Variants in MYT1L observed in about 807,000 individuals in gnomAD.
MYT1L encodes the protein myelin transcription factor 1 like, also known as myelin transcription factor 1-like protein.
MYT1L carries 12 observed loss-of-function variants against 126.7 expected under a neutral mutation model. That is an observed-to-expected ratio of 0.09 (90% CI 0.06 to 0.15). The LOEUF (loss-of-function observed/expected upper bound fraction) is 0.15. Among genes scored for constraint, MYT1L ranks in the 10% least tolerant of loss-of-function variants. The pLI is 1.00. For missense variants in MYT1L, 979 were observed against 1,585.2 expected, an observed-to-expected ratio of 0.62 and a Z score of 6.49; for synonymous variants, 541 against 604.2, an observed-to-expected ratio of 0.90 and a Z score of 1.53.
At chr2:1,847,900 C>T (rs2042710359) in intron 19 of MYT1L, among the ~76,000 whole-genome samples, 3 of 152,144 alleles carry the variant, frequency 2.0e-5, no homozygotes, top group South Asian at 4.1e-4. Context: ...GAAAACACCA[C>T]CGCTAAGAGG....
intron 23 of MYT1L, among the ~76,000 whole-genome samples, chr2:1,792,970 C>T (rs1376111774): frequency 6.6e-6 from 1 of 151,522 alleles, no homozygotes; most frequent in African/African-American, 2.4e-5. Flanking sequence ...CACTTGACAA[C>T]TGGGGAGCTG....
chr2:2,100,417 C>T (rs1409402667), intron 3 of MYT1L, among the ~76,000 whole-genome samples: 1 of 152,010 alleles, frequency 6.6e-6, no homozygotes, highest in Non-Finnish European at 1.5e-5. Flanking sequence ...CCACTGAGCC[C>T]TCCTTTTTTC....
intron 2 of MYT1L, among the ~76,000 whole-genome samples, chr2:2,196,253 GA>G (rs200816652): frequency 1.4e-4 from 21 of 150,438 alleles, no homozygotes; most frequent in South Asian, 2.1e-4. Flanking sequence ...CTATGTGGGT[GA>G]AAAAAAAATC....
chr2:1,931,130 C>A lies in MYT1L; in HGVS notation c.506-7867G>T, dbSNP rs1395450603. Among the ~76,000 whole-genome samples, 3 of 152,318 alleles carry A rather than the reference C, an allele frequency of 2.0e-5. No individual in the cohort carries two copies. The East Asian group carries it at 5.8e-4, about 29-fold the overall frequency. ...GCTGAGACAGCAGTTCACCACTCAT[C>A]CCTTAGAGAGGAGAAGGGTGGGGCC... On this transcript the variant is annotated intron_variant, in intron 9 of 24. Transcript: ENST00000647738.
chr2:1,911,915 C>G, intron 12 of MYT1L, 105 bp downstream of exon 12: 2 of 815,468 alleles, frequency 2.5e-6, no homozygotes, highest in Non-Finnish European at 3.7e-6. Flanking sequence ...ACTTGGGGAG[C>G]ACGGTGGGGA....
chr2:2,025,849 T>C lies in MYT1L; in HGVS notation c.-158+28129A>G, dbSNP rs1351079354. ...TTTTTTAAAAAGGTAGTGTGACCTA[T>C]TGCAATTATACTCAAACTCAATATT... On this transcript the variant is annotated intron_variant, in intron 4 of 24. Coordinates refer to ENST00000647738, the MANE Select transcript of MYT1L (RefSeq NM_001303052.2). 2.6e-5 allele frequency among the ~76,000 whole-genome samples: 4 copies of C among 152,346 alleles called. No individual in the cohort carries two copies. The East Asian group carries it at 5.8e-4, about 22-fold the overall frequency.
intron 13 of MYT1L, among the ~76,000 whole-genome samples, chr2:1,905,803 G>A (rs1335636240): frequency 6.6e-6 from 1 of 152,218 alleles, no homozygotes; most frequent in Admixed American, 6.5e-5. Flanking sequence ...TACTGTTTAG[G>A]AAGGAAACTC....
chr2:2,127,160 T>A (rs1356711691), intron 3 of MYT1L, among the ~76,000 whole-genome samples: 1 of 152,208 alleles, frequency 6.6e-6, no homozygotes, highest in Non-Finnish European at 1.5e-5. Context: ...CCATGGGGTT[T>A]GTTGTACAAA....
chr2:1,933,983 T>A (rs1021803779), intron 9 of MYT1L, among the ~76,000 whole-genome samples: 9 of 146,674 alleles, frequency 6.1e-5, no homozygotes, highest in African/African-American at 2.3e-4. Context: ...TTTTTTTTTT[T>A]TTTTTTTTTG....
chr2:2,022,665 T>C (rs2065151178), intron 4 of MYT1L, among the ~76,000 whole-genome samples: 1 of 151,886 alleles, frequency 6.6e-6, no homozygotes, highest in Admixed American at 6.6e-5. Context: ...CTTTCGTTCC[T>C]GCTCTAAAGC....
At chr2:2,266,053 GC>G (rs2095121796) in intron 2 of MYT1L, among the ~76,000 whole-genome samples, 1 of 152,212 alleles carries the variant, frequency 6.6e-6, no homozygotes, top group South Asian at 2.1e-4. Context: ...ATGCAGCACA[GC>G]CCTTCACAGC....
chr2:2,247,774 G>A (rs931712985), intron 2 of MYT1L, among the ~76,000 whole-genome samples: 5 of 152,066 alleles, frequency 3.3e-5, no homozygotes, highest in African/African-American at 9.7e-5. Flanking sequence ...TAAACAGCAT[G>A]TTCCTGAATG....
intron 9 of MYT1L, among the ~76,000 whole-genome samples, chr2:1,932,077 T>C (rs1307198883): frequency 6.6e-6 from 1 of 152,170 alleles, no homozygotes; most frequent in African/African-American, 2.4e-5. Context: ...TACACTCCCA[T>C]GGCCATTGAT....
intron 9 of MYT1L, among the ~76,000 whole-genome samples, chr2:1,934,767 C>T (rs956449171): frequency 2.9e-4 from 42 of 147,240 alleles, no homozygotes; most frequent in African/African-American, 1.1e-3. Context: ...CACACACACA[C>T]ACAGGCACAG....
At chr2:2,104,262 C>T (rs576501105) in intron 3 of MYT1L, among the ~76,000 whole-genome samples, 13 of 152,288 alleles carry the variant, frequency 8.5e-5, no homozygotes, top group East Asian at 3.9e-4. Context: ...ACAAAATCAA[C>T]GCAATAATTC....
intron 2 of MYT1L, among the ~76,000 whole-genome samples, chr2:2,261,380 T>C (rs2094962963): frequency 6.6e-6 from 1 of 152,182 alleles, no homozygotes; most frequent in African/African-American, 2.4e-5. Context: ...ATATTATAAA[T>C]TAGGAACATA....
intron 2 of MYT1L, among the ~76,000 whole-genome samples, chr2:2,266,507 G>C (rs1369019039): frequency 6.6e-6 from 1 of 152,168 alleles, no homozygotes; most frequent in African/African-American, 2.4e-5. Context: ...TGGGGTGAGG[G>C]ACCACAGCAT....
At chr2:2,143,479 G>A (rs990202401) in intron 3 of MYT1L, among the ~76,000 whole-genome samples, 2 of 152,064 alleles carry the variant, frequency 1.3e-5, no homozygotes, top group Admixed American at 1.3e-4. Context: ...GATTCCCTTG[G>A]AAGCCAACGT....
At chr2:1,840,720 G>T in intron 20 of MYT1L, 40 bp downstream of exon 20, 1 of 1,431,318 alleles carries the variant, frequency 7.0e-7, no homozygotes, top group Non-Finnish European at 9.6e-7. Flanking sequence ...TCCCCACATG[G>T]CAGCCCTGCT....
Sources: allele counts gnomAD v4.1 joint callset (sites outside exome capture counted in the v4.1 genomes callset), GRCh38; gene constraint gnomAD v4.1.1; transcripts MANE v1.5; gene names NCBI Gene and HGNC (gene_info 2026-07-23, HGNC 2026-07-21).